The following CALN1 variants were observed in gnomAD, a reference collection of about 807,000 sequenced individuals.
CALN1 encodes the protein calneuron 1, also known as calcium-binding protein 8.
Under a neutral mutation model 30.6 loss-of-function variants are expected in CALN1, and 17 were observed. That is an observed-to-expected ratio of 0.56 (90% CI 0.38 to 0.83). The LOEUF (loss-of-function observed/expected upper bound fraction) is 0.83. CALN1 is among the 40% of genes least tolerant of loss of function. The pLI is 0.00. For synonymous variants in CALN1, 156 were observed against 131.4 expected (o/e 1.19, Z -1.28); for missense variants, 291 against 354.9 (o/e 0.82, Z 1.45).
rs185202286 is a variant in CALN1, at chr7:72,299,322, C to G, written c.120-20512G>C. ...CCATTATGTCCACTATTAAATAACA[C>G]TATCCTAGAAATTCTACTTAATGCA... On this transcript the variant is annotated intron_variant, in intron 2 of 6. Transcript: ENST00000395275. Among the ~76,000 whole-genome samples the G allele has an allele frequency of 2.1e-4, 32 of 152,266 alleles. No individual in the cohort carries two copies. The East Asian group carries it at 4.8e-3, about 23-fold the overall frequency.
intron 5 of CALN1, among the ~76,000 whole-genome samples, chr7:71,827,938 A>G (rs1331802399): frequency 1.3e-5 from 2 of 152,092 alleles, no homozygotes; most frequent in Admixed American, 1.3e-4. Flanking sequence ...AAGAGCAAAG[A>G]CCATGAGGCT....
At chr7:71,967,851 A>C (rs1003402133) in intron 5 of CALN1, among the ~76,000 whole-genome samples, 1 of 152,188 alleles carries the variant, frequency 6.6e-6, no homozygotes, top group African/African-American at 2.4e-5. Flanking sequence ...AACAGGCTAA[A>C]ATTTAAAAGC....
At chr7:72,501,230 A>G in the CALN1 span, among the ~76,000 whole-genome samples, 2 of 151,962 alleles carry the variant, frequency 1.3e-5, no homozygotes, top group East Asian at 3.9e-4. Flanking sequence ...GTAGCTAGAC[A>G]TGTAAGAAAA....
intron 5 of CALN1, among the ~76,000 whole-genome samples, chr7:71,962,226 CTAA>C (rs1208193179): frequency 8.8e-6 from 1 of 113,394 alleles, no homozygotes; most frequent in African/African-American, 4.5e-5. Flanking sequence ...GACCCCATCT[CTAA>C]AAAAAAAAAA....
At chr7:72,334,318 T>A (rs1470353986) in intron 2 of CALN1, among the ~76,000 whole-genome samples, 1 of 152,168 alleles carries the variant, frequency 6.6e-6, no homozygotes, top group Non-Finnish European at 1.5e-5. Flanking sequence ...AAGACACCAC[T>A]GCACACACCA....
At chr7:72,390,045 G>C (rs918350963) in intron 2 of CALN1, among the ~76,000 whole-genome samples, 5 of 152,074 alleles carry the variant, frequency 3.3e-5, no homozygotes, top group African/African-American at 1.2e-4. Flanking sequence ...TGAGTTCTAT[G>C]GGCTGGCTGG....
At chr7:72,218,154 A>C (rs1044803371) in intron 3 of CALN1, among the ~76,000 whole-genome samples, 4 of 151,416 alleles carry the variant, frequency 2.6e-5, no homozygotes, top group African/African-American at 9.7e-5. Context: ...AATTTTTTTT[A>C]AATAACTGTG....
At chr7:71,936,284 G>C (rs1258113599) in intron 5 of CALN1, among the ~76,000 whole-genome samples, 1 of 151,812 alleles carries the variant, frequency 6.6e-6, no homozygotes, top group Non-Finnish European at 1.5e-5. Context: ...GGATCACGAG[G>C]TCAGGAGATT....
intron 5 of CALN1, among the ~76,000 whole-genome samples, chr7:71,825,930 G>A (rs1261912937): frequency 6.6e-6 from 1 of 151,092 alleles, no homozygotes; most frequent in Admixed American, 6.6e-5. Context: ...CTACTTGGGA[G>A]GCTGAGGCAG....
rs186741270 is a variant in CALN1, at chr7:72,117,230, T to C, written c.245-10936A>G. On this transcript the variant is annotated intron_variant, in intron 3 of 6. Transcript: ENST00000395275. ...TACTAAGGAGGCTGAGATGGGAGGA[T>C]TGCTTGAACCCAAGAGTTTGAAGCT... Among the ~76,000 whole-genome samples the C allele has an allele frequency of 1.4e-3, 210 of 152,282 alleles. 1 individual carries two copies. Among genetic ancestry groups the C allele is most frequent in the Non-Finnish European group, 1.1e-3 (76 of 68,022 alleles).
intron 5 of CALN1, among the ~76,000 whole-genome samples, chr7:71,982,055 T>A (rs1246608197): frequency 2.6e-5 from 4 of 152,204 alleles, no homozygotes; most frequent in Non-Finnish European, 4.4e-5. Flanking sequence ...TTTAGTTGAC[T>A]TCTAGCTTTC....
chr7:72,446,805 G>A (rs1008407604), intron 1 of CALN1, among the ~76,000 whole-genome samples: 1 of 152,064 alleles, frequency 6.6e-6, no homozygotes, highest in African/African-American at 2.4e-5. Context: ...GTGAAGCTGG[G>A]GCCAAAACAA....
At chr7:72,138,008 T>C (rs1439850962) in intron 3 of CALN1, among the ~76,000 whole-genome samples, 6 of 152,326 alleles carry the variant, frequency 3.9e-5, no homozygotes, top group Non-Finnish European at 5.9e-5. Flanking sequence ...TTTGAAATTA[T>C]TTAAAGTAAA....
intron 3 of CALN1, among the ~76,000 whole-genome samples, chr7:72,247,943 G>C (rs900655093): frequency 1.3e-5 from 2 of 152,204 alleles, no homozygotes; most frequent in African/African-American, 4.8e-5. Flanking sequence ...GTTGCAGTGA[G>C]CTACAATCAC....
chr7:71,852,988 C>G (rs570728561), intron 5 of CALN1, among the ~76,000 whole-genome samples: 2 of 152,050 alleles, frequency 1.3e-5, no homozygotes, highest in Non-Finnish European at 2.9e-5. Context: ...CAGATAGATA[C>G]GTTGAAAATA....
chr7:72,285,846 GGCATCTCTTGCAGACTT>G (rs1736320843), intron 2 of CALN1, among the ~76,000 whole-genome samples: 1 of 152,172 alleles, frequency 6.6e-6, no homozygotes, highest in Non-Finnish European at 1.5e-5. Context: ...AGAAGTACAA[GGCATCTCTTGCAGACTT>G]GACAGCAATC....
chr7:71,962,533 A>G (rs2129525253), intron 5 of CALN1, among the ~76,000 whole-genome samples: 1 of 152,340 alleles, frequency 6.6e-6, no homozygotes, highest in Non-Finnish European at 1.5e-5. Flanking sequence ...TTGAATGGAC[A>G]TTCTGGACTA....
At chr7:71,844,538 G>C (rs1365348584) in intron 5 of CALN1, among the ~76,000 whole-genome samples, 4 of 152,056 alleles carry the variant, frequency 2.6e-5, no homozygotes, top group Non-Finnish European at 2.9e-5. Context: ...ATATCTTCTT[G>C]TTATCACTTT....
At chr7:72,111,748 T>C (rs1807589160) in intron 3 of CALN1, among the ~76,000 whole-genome samples, 1 of 144,642 alleles carries the variant, frequency 6.9e-6, no homozygotes, top group Non-Finnish European at 1.5e-5. Context: ...AACTCTTTTT[T>C]CTTTCTTTTT....
Sources: gnomAD v4.1 joint callset for allele counts (sites outside exome capture counted in the v4.1 genomes callset) on GRCh38, gnomAD v4.1.1 for gene constraint, MANE v1.5 for transcripts, NCBI Gene and HGNC (gene_info 2026-07-23, HGNC 2026-07-21) for gene names.